The following GYG1 variants were observed in gnomAD, a reference collection of about 807,000 sequenced individuals.
GYG1 encodes glycogenin 1.
Under a neutral mutation model 41.9 loss-of-function variants are expected in GYG1, and 44 were observed. The ratio of observed to expected loss-of-function variants is 1.05; its 90% CI spans 0.83 to 1.35. The LOEUF (loss-of-function observed/expected upper bound fraction) is 1.35, where lower values mean the gene tolerates loss of function less well. Among genes scored for constraint, GYG1 ranks in the 40% most tolerant of loss-of-function variants. The pLI is 0.00. For synonymous variants in GYG1, 141 were observed against 158.1 expected (o/e 0.89, Z 0.81); for missense variants, 429 against 418.9 (o/e 1.02, Z -0.21).
rs536913225 is a variant in GYG1, at chr3:148,996,920, C to T, written c.481+16C>T. ...AGTTTTGATGGTATGTATTTGCTAT[C>T]TTCATGTCTGATAAGCTGTTAATAG... On this transcript the variant is annotated intron_variant, in intron 4 of 7. Coordinates refer to ENST00000345003, the MANE Select transcript of GYG1 (RefSeq NM_004130.4). 1.9e-5 allele frequency: 31 copies of T among 1,591,900 alleles called. 1 individual carries two copies. The South Asian group carries it at 3.0e-4, about 15-fold the overall frequency.
At chr3:149,019,397 C>CA (rs1265856410) in intron 5 of GYG1, among the ~76,000 whole-genome samples, 2 of 152,226 alleles carry the variant, frequency 1.3e-5, no homozygotes, top group East Asian at 3.9e-4. Flanking sequence ...TACTGCCCTC[C>CA]ACAGTCCTGC....
chr3:149,026,675 T>C (rs1248435567), intron 7 of GYG1, 85 bp from the exon 8 acceptor site: 1 of 1,145,006 alleles, frequency 8.7e-7, no homozygotes, highest in Non-Finnish European at 1.3e-6. Flanking sequence ...TGATTCATCC[T>C]GGCTTTTCTG....
intron 5 of GYG1, among the ~76,000 whole-genome samples, chr3:149,012,997 T>TTGTGTGTGTGTGTG (rs10575910): frequency 0.035 from 4,916 of 141,394 alleles, 153 homozygotes; most frequent in African/African-American, 0.076. Flanking sequence ...CTCAGTTAAT[T>TTGTGTGTGTGTGTG]TGTGTGTGTG....
In GYG1 at chr3:149,028,705, ATT is replaced by A. The variant is rs71617496; in HGVS notation, c.*1794_*1795del. ...GGTGGAAAAGCTGACATAGTTTTAAATTTTTTTTTTTTTTTTTTTTTTTCTTG... is the reference window on the plus strand; with the variant it reads ...GGTGGAAAAGCTGACATAGTTTTAAATTTTTTTTTTTTTTTTTTTTTCTTG... On this transcript the variant is annotated 3_prime_UTR_variant, in exon 8 of 8. Coordinates refer to ENST00000345003, the MANE Select transcript of GYG1 (RefSeq NM_004130.4). Among the ~76,000 whole-genome samples the A allele has an allele frequency of 3.0e-5, 4 of 133,732 alleles. No homozygotes were observed. The highest frequency in any genetic ancestry group is 5.7e-5 in the African/African-American group (2 of 34,962). 87.7% of individuals were successfully genotyped at this position (133,732 alleles called of 152,430 possible).
Position 148,996,770 on chromosome 3 carries a change from A to G in GYG1, c.347A>G (p.Asp116Gly). ...LVLANIDDLFDREELSAAPDP... is the reference protein window; with the variant it reads ...LVLANIDDLFGREELSAAPDP... The stretch of plus-strand genomic sequence containing the variant: ...CTAGCAAATATTGATGATCTTTTTG[A>G]CAGAGAAGAATTGTCAGCAGCACCA... The change falls in exon 4 of 8, where the codon GAC becomes GGC. Residue 116 changes from aspartate (D) to glycine (G), a missense_variant. Asp to Gly is a moderately conservative substitution (Grantham distance 94). Coordinates refer to ENST00000345003, the MANE Select transcript of GYG1 (RefSeq NM_004130.4). 1 of 1,614,022 alleles carries G rather than the reference A, an allele frequency of 6.2e-7. No individual in the cohort carries two copies. Among genetic ancestry groups the G allele is most frequent in the Non-Finnish European group, 8.5e-7 (1 of 1,179,860 alleles).
In GYG1 at chr3:149,028,946, T is replaced by C. The variant is rs1714800966; in HGVS notation, c.*2013T>C. On this transcript the variant is annotated 3_prime_UTR_variant, in exon 8 of 8. Transcript: ENST00000345003. ...TGTTGCCAGGATGGTCTCAATCTCT[T>C]GACCTCGTGATCCACCGGCCTTGGC... Among the ~76,000 whole-genome samples, 2 of 152,148 alleles carry C rather than the reference T, an allele frequency of 1.3e-5. No homozygotes were observed. Among genetic ancestry groups the C allele is most frequent in the African/African-American group, 2.4e-5 (1 of 41,434 alleles).
rs1482621694 is a variant in GYG1, at chr3:149,031,505, CCA to C, written c.*4575_*4576del. 3 of 152,488 alleles carry C rather than the reference CCA, an allele frequency of 2.0e-5. No individual in the cohort carries two copies. The highest frequency in any genetic ancestry group is 4.4e-5 in the Non-Finnish European group (3 of 67,992). 9.4% of individuals were successfully genotyped at this position (152,488 alleles called of 1,614,324 possible). ...GGTAGGACTGGTTTGCCTCTCACTC[CCA>C]CAGACTATATTTATACCTCAGACAC... is the stretch of plus-strand genomic sequence containing the variant. On this transcript the variant is annotated 3_prime_UTR_variant, in exon 8 of 8. Transcript: ENST00000345003.
intron 1 of GYG1, chr3:148,992,551 G>A (rs1712549291): frequency 6.6e-6 from 1 of 152,246 alleles, no homozygotes; most frequent in Non-Finnish European, 1.5e-5. Context: ...AGAAATCCTT[G>A]AATCCTGCTC....
At chr3:148,996,600 A>G in intron 3 of GYG1, 124 bp downstream of exon 3, 1 of 1,195,512 alleles carries the variant, frequency 8.4e-7, no homozygotes, top group South Asian at 1.2e-5. Context: ...CTGTCATGAA[A>G]TATGTCAGGG....
rs1714791218 is a variant in GYG1 at position 149,028,785 on chromosome 3, G to A, written c.*1852G>A. On this transcript the variant is annotated 3_prime_UTR_variant, in exon 8 of 8. Transcript: ENST00000345003. ...CACCAGGCTGGAGTGCAGTGGTGCA[G>A]TCTCGGCTCACTGCAACCTCTGCCT... is the stretch of plus-strand genomic sequence containing the variant. Among the ~76,000 whole-genome samples the A allele has an allele frequency of 6.7e-6, 1 of 148,822 alleles. No homozygotes were observed. The highest frequency in any genetic ancestry group is 2.5e-5 in the African/African-American group (1 of 39,946).
intron 4 of GYG1, among the ~76,000 whole-genome samples, chr3:149,003,114 ATTT>A (rs34946711): frequency 7.5e-4 from 98 of 130,034 alleles, no homozygotes; most frequent in South Asian, 1.5e-3. Context: ...TTTTACTATA[ATTT>A]TTTTTTTTTT....
At chr3:149,005,278 A>C (rs1391610716) in intron 4 of GYG1, among the ~76,000 whole-genome samples, 1 of 152,150 alleles carries the variant, frequency 6.6e-6, no homozygotes, top group Non-Finnish European at 1.5e-5. Flanking sequence ...CCCCAGTTGT[A>C]TTACTAATAT....
At position 149,008,883 on chromosome 3, in the gene GYG1, C is replaced by T. The variant is rs569917464; in HGVS notation, c.482-393C>T. 1.7e-4 allele frequency: 35 copies of T among 207,120 alleles called. No individual in the cohort carries two copies. The South Asian group carries it at 2.5e-3, about 15-fold the overall frequency. The allele number at this position is 207,120 out of a possible 1,614,324, so 12.8% of individuals were successfully genotyped here. On this transcript the variant is annotated intron_variant, in intron 4 of 7. Transcript: ENST00000345003. ...ACTTAACTCAAAAATGAGGGCCGGG[C>T]GTGATGGCTCACGTTGGTAGTCCTT...
At chr3:149,022,173 C>G (rs1023191770) in intron 5 of GYG1, among the ~76,000 whole-genome samples, 1 of 152,198 alleles carries the variant, frequency 6.6e-6, no homozygotes, top group African/African-American at 2.4e-5. Context: ...TTTGCTTTGA[C>G]ACTTGTTACA....
At chr3:148,994,083 GA>G in intron 1 of GYG1, 58 bp from the exon 2 acceptor site, 1 of 1,510,070 alleles carries the variant, frequency 6.6e-7, no homozygotes, top group Non-Finnish European at 9.2e-7. Context: ...GGTTCCTGGG[GA>G]AAAGGCTTTC....
At chr3:149,008,433 C>T (rs1321528415) in intron 4 of GYG1, among the ~76,000 whole-genome samples, 3 of 152,206 alleles carry the variant, frequency 2.0e-5, no homozygotes, top group East Asian at 3.9e-4. Context: ...CGCCACAGGT[C>T]GGTGGTGTGC....
intron 5 of GYG1, among the ~76,000 whole-genome samples, chr3:149,022,003 C>G (rs1714396733): frequency 6.6e-6 from 1 of 152,154 alleles, no homozygotes; most frequent in Admixed American, 6.5e-5. Flanking sequence ...CTGATACCTG[C>G]CATTGCCTGT....
intron 4 of GYG1, among the ~76,000 whole-genome samples, chr3:149,001,746 C>G (rs1713104844): frequency 6.6e-6 from 1 of 152,158 alleles, no homozygotes; most frequent in Non-Finnish European, 1.5e-5. Flanking sequence ...GGGTCCTTCT[C>G]AACTCTGGTT....
intron 4 of GYG1, among the ~76,000 whole-genome samples, chr3:149,000,161 G>A (rs1713012622): frequency 6.6e-6 from 1 of 152,072 alleles, no homozygotes; most frequent in African/African-American, 2.4e-5. Context: ...ATCCTAATAT[G>A]GCAAACCATA....
Sources: gnomAD v4.1 joint callset for allele counts (sites outside exome capture counted in the v4.1 genomes callset) on GRCh38, gnomAD v4.1.1 for gene constraint, MANE v1.5 for transcripts, NCBI Gene and HGNC (gene_info 2026-07-23, HGNC 2026-07-21) for gene names.